Variants in ANXA13 observed in about 807,000 individuals in gnomAD.
ANXA13 encodes the protein annexin A13.
In ANXA13, 36 loss-of-function variants were observed where a neutral mutation model predicts 46.6. The observed-to-expected ratio is 0.77, with a 90% CI of 0.59 to 1.02. The LOEUF is 1.02. ANXA13 is among the 50% of genes least tolerant of loss of function. The pLI is 0.00. For missense variants in ANXA13, 417 were observed against 396.5 expected, an observed-to-expected ratio of 1.05 and a Z score of -0.44; for synonymous variants, 163 against 152.9, an observed-to-expected ratio of 1.07 and a Z score of -0.49.
At chr8:123,736,542 A>G (rs1814271602) in intron 1 of ANXA13, among the ~76,000 whole-genome samples, 1 of 152,230 alleles carries the variant, frequency 6.6e-6, no homozygotes. Context: ...GTGGATGTTT[A>G]GAAATAATAA....
chr8:123,688,905 T>C lies in ANXA13; in HGVS notation c.684A>G (p.Thr228=), dbSNP rs1308804365. Residue 228 remains threonine (T), a synonymous_variant, in exon 9 of 11, where the codon ACA becomes ACG. Transcript: ENST00000419625. ...AATAGGCCTTCTGCAAGTCGCCTGA[T>C]GTTTCTTCTTCAATGGCTTCTTCTA... ...KDIEEAIEEE[T]SGDLQKAYLT... 1 of 1,613,910 alleles carries C rather than the reference T, an allele frequency of 6.2e-7. No homozygotes were observed. Among genetic ancestry groups the C allele is most frequent in the Non-Finnish European group, 8.5e-7 (1 of 1,179,936 alleles).
rs1814272290 is a variant in ANXA13 at position 123,736,605 on chromosome 8, C to T, written c.15+715G>A. Reference sequence around the variant, plus strand: ...TTGTGTGGACTTACATGAGTATTTACCTTGGTCTATTAATATTTGCAACAT... The same window carrying T: ...TTGTGTGGACTTACATGAGTATTTATCTTGGTCTATTAATATTTGCAACAT... On this transcript the variant is annotated intron_variant, in intron 1 of 10. Coordinates refer to ENST00000419625, the MANE Select transcript of ANXA13 (RefSeq NM_004306.4). 2.6e-5 allele frequency among the ~76,000 whole-genome samples: 4 copies of T among 152,084 alleles called. No individual in the cohort carries two copies. The South Asian group carries it at 8.3e-4, about 31-fold the overall frequency.
At chr8:123,700,479 CGTT>C (rs779225044) in intron 3 of ANXA13, among the ~76,000 whole-genome samples, 1 of 152,176 alleles carries the variant, frequency 6.6e-6, no homozygotes, top group Non-Finnish European at 1.5e-5. Flanking sequence ...TCTAGCTTTG[CGTT>C]GTTGGGATTC....
At chr8:123,734,769 A>G (rs558219853) in intron 1 of ANXA13, among the ~76,000 whole-genome samples, 1 of 149,196 alleles carries the variant, frequency 6.7e-6, no homozygotes, top group African/African-American at 2.5e-5. Context: ...AAAAATTAAT[A>G]TAAAGCATCC....
In ANXA13 at chr8:123,731,214, G is replaced by A. The variant is rs966847436; in HGVS notation, c.15+6106C>T. Among the ~76,000 whole-genome samples, 7 of 152,218 alleles carry A rather than the reference G, an allele frequency of 4.6e-5. No homozygotes were observed. In the East Asian group the frequency reaches 9.7e-4, roughly 21 times the overall value. On this transcript the variant is annotated intron_variant, in intron 1 of 10. Transcript: ENST00000419625. Reference sequence around the variant, plus strand: ...AGATCCTGGATTATACCAATGATGCGGGCCTGGGAGACCTCATTTGAAAAC... The same window carrying A: ...AGATCCTGGATTATACCAATGATGCAGGCCTGGGAGACCTCATTTGAAAAC...
At chr8:123,704,521 C>T (rs370945160) in intron 2 of ANXA13, among the ~76,000 whole-genome samples, 27 of 152,030 alleles carry the variant, frequency 1.8e-4, no homozygotes, top group African/African-American at 5.3e-4. Context: ...CTCAGCCTCC[C>T]GAGTAGCTGG....
intron 1 of ANXA13, among the ~76,000 whole-genome samples, chr8:123,733,608 A>G (rs1814168888): frequency 6.6e-6 from 1 of 152,232 alleles, no homozygotes; most frequent in African/African-American, 2.4e-5. Context: ...GTGGCAGACC[A>G]CTGAACAGAT....
At chr8:123,734,806 G>A (rs1012571723) in intron 1 of ANXA13, among the ~76,000 whole-genome samples, 4 of 147,946 alleles carry the variant, frequency 2.7e-5, no homozygotes, top group African/African-American at 7.5e-5. Flanking sequence ...CCAAGTCCTG[G>A]CTCATGATTT....
At chr8:123,684,753 G>A (rs1412806123) in intron 9 of ANXA13, 31 bp from the exon 10 acceptor site, 3 of 1,529,052 alleles carry the variant, frequency 2.0e-6, no homozygotes, top group Admixed American at 3.3e-5. Context: ...GAGAATGTGA[G>A]GCTTTCACGT....
intron 8 of ANXA13, 59 bp from the exon 9 acceptor site, chr8:123,689,005 TGG>T: frequency 6.5e-7 from 1 of 1,548,156 alleles, no homozygotes; most frequent in East Asian, 2.3e-5. Context: ...TTAGTACTCT[TGG>T]GGTTGTTCCT....
At chr8:123,716,463 G>A (rs1271341648) in intron 1 of ANXA13, among the ~76,000 whole-genome samples, 1 of 152,158 alleles carries the variant, frequency 6.6e-6, no homozygotes, top group Non-Finnish European at 1.5e-5. Context: ...CTCCCTGTAG[G>A]AACCACTGTT....
intron 1 of ANXA13, among the ~76,000 whole-genome samples, chr8:123,734,528 A>G (rs548607612): frequency 6.6e-6 from 1 of 152,118 alleles, no homozygotes; most frequent in Non-Finnish European, 1.5e-5. Context: ...TGGTTCAAAA[A>G]AATCATTAAT....
At position 123,698,332 on chromosome 8, in the gene ANXA13, C is replaced by T. The variant is rs878987522; in HGVS notation, c.357+57G>A. ...GGGAAGTAGGGTCCCTTCTGGGGGG[C>T]TGCAACCATCTCTATTGGGTGTGTG... On this transcript the variant is annotated intron_variant, in intron 4 of 10. Transcript: ENST00000419625. The T allele has an allele frequency of 5.1e-6, 8 of 1,578,100 alleles. No homozygotes were observed. In the South Asian group the frequency reaches 8.1e-5, roughly 16 times the overall value.
At chr8:123,704,070 G>A (rs191674399) in intron 2 of ANXA13, among the ~76,000 whole-genome samples, 4 of 152,262 alleles carry the variant, frequency 2.6e-5, no homozygotes, top group Admixed American at 6.5e-5. Context: ...AATGAAATGC[G>A]AGAATCCAAG....
At chr8:123,713,064 A>G (rs541026086) in intron 1 of ANXA13, among the ~76,000 whole-genome samples, 3 of 152,308 alleles carry the variant, frequency 2.0e-5, no homozygotes, top group African/African-American at 7.2e-5. Context: ...CTGCCTCTGA[A>G]ACAAAGAATA....
chr8:123,735,607 G>C (rs1157972753), intron 1 of ANXA13: 7 of 1,057,974 alleles, frequency 6.6e-6, no homozygotes, highest in African/African-American at 1.6e-5. Context: ...ACTTTTTGCA[G>C]GGAAAGATTT....
rs746389255 is a variant in ANXA13 at position 123,735,715 on chromosome 8, G to T, written c.15+1605C>A. 3.2e-6 allele frequency: 5 copies of T among 1,580,070 alleles called. No individual in the cohort carries two copies. In the African/African-American group the frequency reaches 5.4e-5, roughly 17 times the overall value. On this transcript the variant is annotated intron_variant, in intron 1 of 10. Transcript: ENST00000419625. ...TCATATTGGCCCCATGACAGAGCAG[G>T]GGTCATACCTATGATTTGGGGGGAA...
At position 123,681,374 on chromosome 8, in the gene ANXA13, A is replaced by G. The variant is rs148683632; in HGVS notation, c.832-15T>C. 3.1e-4 allele frequency: 502 copies of G among 1,611,446 alleles called. 1 individual carries two copies. In the African/African-American group the frequency reaches 5.8e-3, roughly 19 times the overall value. ...TGAAGGTCCACCTGTAGAAAAAATAACAGCAATGGAGATAAGAACGTTTAT... is the reference window on the plus strand; with the variant it reads ...TGAAGGTCCACCTGTAGAAAAAATAGCAGCAATGGAGATAAGAACGTTTAT... On this transcript the variant is annotated splice_polypyrimidine_tract_variant and intron_variant, in intron 10 of 10. Coordinates refer to ENST00000419625, the MANE Select transcript of ANXA13 (RefSeq NM_004306.4).
chr8:123,732,126 T>C (rs1814130162), intron 1 of ANXA13, among the ~76,000 whole-genome samples: 1 of 152,156 alleles, frequency 6.6e-6, no homozygotes, highest in African/African-American at 2.4e-5. Context: ...ACCCAAGGCA[T>C]AGTGTTAAAA....
Sources: allele counts gnomAD v4.1 joint callset (sites outside exome capture counted in the v4.1 genomes callset), GRCh38; gene constraint gnomAD v4.1.1; transcripts MANE v1.5; gene names NCBI Gene and HGNC (gene_info 2026-07-23, HGNC 2026-07-21).